Variants in LMNA observed in about 807,000 individuals in gnomAD.
LMNA encodes lamin A/C.
Under a neutral mutation model 70.4 loss-of-function variants are expected in LMNA, and 20 were observed. The ratio of observed to expected loss-of-function variants is 0.28; its 90% CI spans 0.20 to 0.41. LMNA has a LOEUF of 0.41. Among genes scored for constraint, LMNA ranks in the 10% least tolerant of loss-of-function variants. LMNA has a pLI of 1.00. For missense variants in LMNA, 652 were observed against 917.2 expected, an observed-to-expected ratio of 0.71 and a Z score of 3.73; for synonymous variants, 339 against 372.8, an observed-to-expected ratio of 0.91 and a Z score of 1.04.
rs11264443 is a variant in LMNA at position 156,134,601 on chromosome 1, C to T, written c.639+73C>T. On this transcript the variant is annotated intron_variant, in intron 3 of 11. Transcript: ENST00000368300. This position sits in a 1 kb window ranked among gnomAD's most constrained non-coding sequence, Gnocchi z 5.3. ...AGACTTGGGCTGGGCTAGGGGGGAC[C>T]AGCTGTGTGCAGAGCTCGCCTTCCT... 53,733 of 1,601,958 alleles carry T rather than the reference C, an allele frequency of 0.034. 1,936 individuals carry two copies. The highest frequency in any genetic ancestry group is 0.18 in the African/African-American group (13,173 of 74,746).
At position 156,130,626 on chromosome 1, in the gene LMNA, G is replaced by A. The variant is rs1650968214; in HGVS notation, c.366G>A (p.Lys122=). Residue 122 remains lysine (K), a synonymous_variant, in exon 2 of 12, where the codon AAG becomes AAA. Transcript: ENST00000368300. ...EFKELKARNT[K]KEGDLIAAQA... is the part of the protein sequence containing the mutation. ...CCCCTCTCTTCTTTAGCAATACCAA[G>A]AAGGAGGGTGACCTGATAGCTGCTC... is the stretch of plus-strand genomic sequence containing the variant. 2 of 1,613,926 alleles carry A rather than the reference G, an allele frequency of 1.2e-6. No individual in the cohort carries two copies. Among genetic ancestry groups the A allele is most frequent in the Non-Finnish European group, 8.5e-7 (1 of 1,180,034 alleles).
In LMNA at chr1:156,137,302, C is replaced by A. The variant is rs1651746786; in HGVS notation, c.1608+70C>A. On this transcript the variant is annotated intron_variant, in intron 9 of 11. Coordinates refer to ENST00000368300, the MANE Select transcript of LMNA (RefSeq NM_170707.4). The surrounding 1 kb of genome is among the most constrained non-coding windows in gnomAD (Gnocchi z 4.6). Reference sequence around the variant, plus strand: ...TGATGGCCAACATCGGAGCCAGCTGCCCCCAACCCAAGTTTGCCAATTCAG... The same window carrying A: ...TGATGGCCAACATCGGAGCCAGCTGACCCCAACCCAAGTTTGCCAATTCAG... 1.3e-6 allele frequency: 2 copies of A among 1,532,800 alleles called. No individual in the cohort carries two copies. Among genetic ancestry groups the A allele is most frequent in the Non-Finnish European group, 1.7e-6 (2 of 1,144,252 alleles). 94.9% of individuals were successfully genotyped at this position (1,532,800 alleles called of 1,614,324 possible).
At chr1:156,104,749 T>C (rs1296796792) in intron 3 of LMNA, among the ~76,000 whole-genome samples, 1 of 152,140 alleles carries the variant, frequency 6.6e-6, no homozygotes, top group Non-Finnish European at 1.5e-5. Context: ...AACATCTCTT[T>C]CCTTTCCTCC....
chr1:156,111,096 C>A (rs989494171), upstream of LMNA, among the ~76,000 whole-genome samples: 1 of 152,120 alleles, frequency 6.6e-6, no homozygotes, highest in East Asian at 1.9e-4. Flanking sequence ...AGAGGAAACA[C>A]TAGGATGCTA....
In LMNA at chr1:156,130,669, C is replaced by T. The variant is rs747998566; in HGVS notation, c.409C>T (p.Leu137=). 7 of 1,613,876 alleles carry T rather than the reference C, an allele frequency of 4.3e-6. No homozygotes were observed. In the South Asian group the frequency reaches 7.7e-5, roughly 18 times the overall value. The change falls in exon 2 of 12, where the codon CTG becomes TTG. Residue 137 remains leucine, a synonymous_variant. Coordinates refer to ENST00000368300, the MANE Select transcript of LMNA (RefSeq NM_170707.4). ...LIAAQARLKD[L]EALLNSKEAA... is the part of the protein sequence containing the mutation. The stretch of plus-strand genomic sequence containing the variant: ...AGCTGCTCAGGCTCGGCTGAAGGAC[C>T]TGGAGGCTCTGCTGAACTCCAAGGA...
In LMNA at chr1:156,139,618, C is replaced by T. The variant is rs534580892; in HGVS notation, c.*512C>T. The stretch of plus-strand genomic sequence containing the variant: ...GAGAGAGAGAGAGGACAGCTTGAGC[C>T]GGGCCCCTGGGCTTGGCCTGCTGTG... On this transcript the variant is annotated 3_prime_UTR_variant, in exon 12 of 12. Transcript: ENST00000368300. 25 of 1,432,806 alleles carry T rather than the reference C, an allele frequency of 1.7e-5. No individual in the cohort carries two copies. Among genetic ancestry groups the T allele is most frequent in the Admixed American group, 1.3e-4 (5 of 37,118 alleles). 88.8% of individuals were successfully genotyped at this position (1,432,806 alleles called of 1,614,324 possible).
At chr1:156,132,317 A>G (rs1651146185) in intron 2 of LMNA, among the ~76,000 whole-genome samples, 1 of 151,970 alleles carries the variant, frequency 6.6e-6, no homozygotes, top group East Asian at 1.9e-4. Context: ...TACAAATACA[A>G]AAATTAGCTA....
At chr1:156,111,718 C>A (rs1293261136), upstream of LMNA, among the ~76,000 whole-genome samples, 1 of 152,220 alleles carries the variant, frequency 6.6e-6, no homozygotes, top group East Asian at 1.9e-4. Flanking sequence ...CCCAGGAGCT[C>A]AGTCCCCGTC....
intron 1 of LMNA, among the ~76,000 whole-genome samples, chr1:156,128,011 A>G (rs1257595740): frequency 2.0e-5 from 3 of 152,044 alleles, no homozygotes; most frequent in Non-Finnish European, 4.4e-5. Flanking sequence ...CTTGGAGACC[A>G]TATACTGTGG....
intron 1 of LMNA, chr1:156,126,134 G>T: frequency 6.7e-7 from 1 of 1,500,514 alleles, no homozygotes; most frequent in Non-Finnish European, 8.9e-7. Flanking sequence ...GATGTTCCTG[G>T]GAGACAGGAA....
At position 156,138,045 on chromosome 1, in the gene LMNA, A is replaced by T; in HGVS notation, c.1698+302A>T. ...TTCTGGGAAAGGGAGGGGAGGACAG[A>T]CGTGGGGCATGCCCGCCCTGCCTCT... On this transcript the variant is annotated intron_variant, in intron 10 of 11. Transcript: ENST00000368300. The surrounding 1 kb of genome is among the most constrained non-coding windows in gnomAD (Gnocchi z 5.5). 1.7e-6 allele frequency: 1 copy of T among 573,540 alleles called. No individual in the cohort carries two copies. Among genetic ancestry groups the T allele is most frequent in the Non-Finnish European group, 3.1e-6 (1 of 326,134 alleles). 35.5% of individuals were successfully genotyped at this position (573,540 alleles called of 1,614,324 possible).
At chr1:156,116,902 G>T (rs1004681587) in intron 1 of LMNA, among the ~76,000 whole-genome samples, 3 of 151,654 alleles carry the variant, frequency 2.0e-5, no homozygotes, top group African/African-American at 4.8e-5. Flanking sequence ...GAAGTTGTGT[G>T]TAGGAAGACA....
intron 2 of LMNA, among the ~76,000 whole-genome samples, chr1:156,131,195 T>C (rs965066149): frequency 5.3e-5 from 8 of 152,032 alleles, no homozygotes; most frequent in African/African-American, 1.9e-4. Context: ...GGCGTGAGCC[T>C]GCGAGGCAGA....
intron 1 of LMNA, among the ~76,000 whole-genome samples, chr1:156,127,516 T>G (rs905153518): frequency 1.4e-4 from 15 of 109,210 alleles, no homozygotes; most frequent in South Asian, 6.2e-4. Flanking sequence ...ACTGTTTTTT[T>G]TTTTTTTTTT....
In LMNA at chr1:156,136,915, C is replaced by T. The variant is rs371635492; in HGVS notation, c.1381-6C>T. The T allele has an allele frequency of 5.5e-5, 89 of 1,612,364 alleles. No homozygotes were observed. Among genetic ancestry groups the T allele is most frequent in the African/African-American group, 8.0e-5 (6 of 74,822 alleles). ...CCGACCTTCCTCTTCCCTATCTTCC[C>T]GGCAGGACCAGTCCATGGGCAATTG... On this transcript the variant is annotated splice_polypyrimidine_tract_variant and splice_region_variant and intron_variant, in intron 7 of 11. Transcript: ENST00000368300. The surrounding 1 kb of genome is among the most constrained non-coding windows in gnomAD (Gnocchi z 6.1).
intron 1 of LMNA, chr1:156,129,780 G>A (rs763771600): frequency 3.7e-5 from 27 of 720,206 alleles, no homozygotes; most frequent in Middle Eastern, 3.3e-4. Flanking sequence ...CAGAGGCAGC[G>A]CTGTTCGACT....
At chr1:156,129,798 G>A in intron 1 of LMNA, 1 of 743,588 alleles carries the variant, frequency 1.3e-6, no homozygotes, top group Non-Finnish European at 2.5e-6. Context: ...ACTGGTTATA[G>A]CTAAAGCTTT....
At chr1:156,111,061 C>A (rs1430380115), upstream of LMNA, among the ~76,000 whole-genome samples, 1 of 152,130 alleles carries the variant, frequency 6.6e-6, no homozygotes. Context: ...CTGTCCCTCA[C>A]AGCACTTTCA....
In LMNA at chr1:156,127,002, C is replaced by T. The variant is rs1463716928; in HGVS notation, c.357-3615C>T. 4 of 1,347,494 alleles carry T rather than the reference C, an allele frequency of 3.0e-6. No individual in the cohort carries two copies. In the East Asian group the frequency reaches 1.0e-4, roughly 34 times the overall value. The allele number at this position is 1,347,494 out of a possible 1,614,324, so 83.5% of individuals were successfully genotyped here. ...TGAGGGGCCCAGGTTCCCACCCTTC[C>T]CAGCTCCTCTGGCCTGCCCCACCCT... On this transcript the variant is annotated intron_variant, in intron 1 of 11. Coordinates refer to ENST00000368300, the MANE Select transcript of LMNA (RefSeq NM_170707.4).
Sources: allele counts gnomAD v4.1 joint callset (sites outside exome capture counted in the v4.1 genomes callset), GRCh38; gene constraint gnomAD v4.1.1; non-coding constraint Gnocchi (gnomAD v3.1); transcripts MANE v1.5; gene names NCBI Gene and HGNC (gene_info 2026-07-23, HGNC 2026-07-21).